SDK1: variants seen among roughly 807,000 people sequenced by gnomAD.
SDK1 encodes the protein sidekick cell adhesion molecule 1.
SDK1 carries 157 observed loss-of-function variants against 245.5 expected under a neutral mutation model. That is an observed-to-expected ratio of 0.64 (90% CI 0.56 to 0.73). The LOEUF (loss-of-function observed/expected upper bound fraction) is 0.73. Ranked by LOEUF, SDK1 falls within the 30% of genes least tolerant of loss-of-function variation. The pLI is 0.00. For missense variants in SDK1, 3,583 were observed against 3,002.3 expected (o/e 1.19, Z -4.52); for synonymous variants, 1,647 against 1,278.5 (o/e 1.29, Z -6.15).
intron 25 of SDK1, among the ~76,000 whole-genome samples, chr7:4,115,135 G>C (rs1015950349): frequency 6.6e-6 from 1 of 152,082 alleles, no homozygotes; most frequent in Non-Finnish European, 1.5e-5. Flanking sequence ...GGCAATTAAC[G>C]CTCATGAAGG....
chr7:3,603,646 C>A (rs991914510), intron 1 of SDK1, among the ~76,000 whole-genome samples: 16 of 152,152 alleles, frequency 1.1e-4, no homozygotes, highest in African/African-American at 3.6e-4. Context: ...AATTTGACTT[C>A]CTTTTTTCAT....
At position 4,267,312 on chromosome 7, in the gene SDK1, CTCCCTCCCT is replaced by C; in HGVS notation, c.*1932_*1940del. The stretch of plus-strand genomic sequence containing the variant: ...CTCCTTCCTTCCCTCCCTTCTTTCC[CTCCCTCCCT>C]TCCTCTCTCCCCTATTCCTTCTTCC... On this transcript the variant is annotated 3_prime_UTR_variant, in exon 45 of 45. Coordinates refer to ENST00000404826, the MANE Select transcript of SDK1 (RefSeq NM_152744.4). 1.2e-6 allele frequency: 1 copy of C among 833,810 alleles called. No homozygotes were observed. Among genetic ancestry groups the C allele is most frequent in the Non-Finnish European group, 1.4e-6 (1 of 692,698 alleles). 51.7% of individuals were successfully genotyped at this position (833,810 alleles called of 1,614,324 possible).
intron 1 of SDK1, among the ~76,000 whole-genome samples, chr7:3,350,939 A>C (rs1780643836): frequency 1.3e-5 from 2 of 152,176 alleles, no homozygotes; most frequent in African/African-American, 4.8e-5. Flanking sequence ...ATTAAAGGAG[A>C]ATTATGGTAG....
At chr7:3,804,485 G>A (rs1241656045) in intron 4 of SDK1, among the ~76,000 whole-genome samples, 1 of 152,118 alleles carries the variant, frequency 6.6e-6, no homozygotes, top group East Asian at 1.9e-4. Flanking sequence ...GGATATAGCT[G>A]TATATCTGGT....
At chr7:4,221,112 G>C (rs1785129311) in intron 39 of SDK1, 127 bp from the exon 40 acceptor site, 1 of 1,173,030 alleles carries the variant, frequency 8.5e-7, no homozygotes, top group Non-Finnish European at 1.2e-6. Flanking sequence ...GGTGCGTGAG[G>C]TTAAGTAACC....
intron 1 of SDK1, among the ~76,000 whole-genome samples, chr7:3,615,111 A>G (rs928557959): frequency 6.6e-6 from 1 of 151,708 alleles, no homozygotes; most frequent in Non-Finnish European, 1.5e-5. Context: ...TCTATCTCGA[A>G]GCTTTTCCCT....
At chr7:4,092,313 C>A (rs888849337) in intron 22 of SDK1, among the ~76,000 whole-genome samples, 2 of 152,160 alleles carry the variant, frequency 1.3e-5, no homozygotes, top group Non-Finnish European at 2.9e-5. Context: ...CTCGCCTACC[C>A]CCTGTCCCGT....
rs1046571109 is a variant in SDK1 at position 3,793,158 on chromosome 7, T to C, written c.714-28292T>C. On this transcript the variant is annotated intron_variant, in intron 4 of 44. Transcript: ENST00000404826. ...ACCCAAATGTCCCTTTAAAAAGTTA[T>C]ATTTCCATGTAAGGGTTATAATTTT... Among the ~76,000 whole-genome samples the C allele has an allele frequency of 1.1e-4, 17 of 152,196 alleles. 1 individual carries two copies. Among genetic ancestry groups the C allele is most frequent in the Non-Finnish European group, 5.9e-5 (4 of 68,032 alleles).
intron 1 of SDK1, among the ~76,000 whole-genome samples, chr7:3,543,855 A>G (rs756139599): frequency 2.6e-5 from 4 of 152,214 alleles, no homozygotes; most frequent in Non-Finnish European, 4.4e-5. Flanking sequence ...TGACTTCAGA[A>G]GACCCATTTA....
intron 41 of SDK1, among the ~76,000 whole-genome samples, chr7:4,234,627 C>A (rs549480294): frequency 1.3e-5 from 2 of 152,282 alleles, no homozygotes; most frequent in African/African-American, 4.8e-5. Context: ...CCCCCATGTG[C>A]CTGTGAGGGA....
intron 5 of SDK1, among the ~76,000 whole-genome samples, chr7:3,842,367 C>G (rs1330895202): frequency 1.3e-5 from 2 of 152,194 alleles, no homozygotes; most frequent in African/African-American, 4.8e-5. Flanking sequence ...AGTCACCGTA[C>G]TGGCCTGGGT....
intron 2 of SDK1, among the ~76,000 whole-genome samples, chr7:3,631,597 C>T (rs1417989021): frequency 6.6e-6 from 1 of 152,160 alleles, no homozygotes; most frequent in African/African-American, 2.4e-5. Flanking sequence ...TTCATATTCT[C>T]CCCACAAAGT....
chr7:3,618,559 G>A (rs1781839510), intron 1 of SDK1, among the ~76,000 whole-genome samples: 1 of 152,190 alleles, frequency 6.6e-6, no homozygotes, highest in Non-Finnish European at 1.5e-5. Flanking sequence ...TTCCTGTGTT[G>A]TATCCCATTG....
intron 5 of SDK1, among the ~76,000 whole-genome samples, chr7:3,901,542 G>A (rs986797844): frequency 2.0e-5 from 3 of 152,102 alleles, no homozygotes; most frequent in African/African-American, 4.8e-5. Context: ...ATGTCAACTT[G>A]TCCCATTATT....
intron 1 of SDK1, among the ~76,000 whole-genome samples, chr7:3,613,309 T>C (rs989106961): frequency 1.3e-5 from 2 of 152,166 alleles, no homozygotes; most frequent in Admixed American, 6.5e-5. Flanking sequence ...CCTTTCTAGA[T>C]GAGCAGAAGA....
intron 1 of SDK1, among the ~76,000 whole-genome samples, chr7:3,527,674 G>C (rs537471583): frequency 6.7e-6 from 1 of 149,544 alleles, no homozygotes; most frequent in Non-Finnish European, 1.5e-5. Flanking sequence ...TAGCCGGTTA[G>C]CAGGTGAGTG....
At chr7:3,320,511 A>G (rs1168633621) in intron 1 of SDK1, among the ~76,000 whole-genome samples, 1 of 152,176 alleles carries the variant, frequency 6.6e-6, no homozygotes, top group Non-Finnish European at 1.5e-5. Flanking sequence ...CTTGGTTGGT[A>G]TATGAAAACC....
intron 44 of SDK1, among the ~76,000 whole-genome samples, chr7:4,248,897 A>C (rs1005584038): frequency 6.6e-5 from 10 of 152,222 alleles, no homozygotes; most frequent in Admixed American, 2.0e-4. Context: ...GTACAAGCAC[A>C]CATGCATACC....
intron 35 of SDK1, among the ~76,000 whole-genome samples, chr7:4,194,306 ATGTATACATATATGTATGCACGTATG>A (rs1783424468): frequency 1.0e-5 from 1 of 100,198 alleles, no homozygotes; most frequent in African/African-American, 4.0e-5. Context: ...ATGTGTATAC[ATGTATACATATATGTATGCACGTATG>A]TGTATACATG....
Sources: gnomAD v4.1 joint callset for allele counts (sites outside exome capture counted in the v4.1 genomes callset) on GRCh38, gnomAD v4.1.1 for gene constraint, MANE v1.5 for transcripts, NCBI Gene and HGNC (gene_info 2026-07-23, HGNC 2026-07-21) for gene names.